Variants in SPON1 observed in about 807,000 individuals in gnomAD.
SPON1 encodes spondin-1.
Under a neutral mutation model 111.7 loss-of-function variants are expected in SPON1, and 52 were observed. That is an observed-to-expected ratio of 0.47 (90% confidence interval 0.37 to 0.59). The LOEUF (loss-of-function observed/expected upper bound fraction) is 0.59. Among genes scored for constraint, SPON1 ranks in the 20% least tolerant of loss-of-function variants. The pLI, the probability that SPON1 is intolerant of heterozygous loss-of-function variation, is 0.00. For missense variants in SPON1, 957 were observed against 1,068.5 expected, an observed-to-expected ratio of 0.90 and a Z score of 1.46; for synonymous variants, 410 against 395.8, an observed-to-expected ratio of 1.04 and a Z score of -0.43.
intron 6 of SPON1, among the ~76,000 whole-genome samples, chr11:14,192,159 T>A (rs1237087021): frequency 6.6e-6 from 1 of 151,976 alleles, no homozygotes; most frequent in Admixed American, 6.5e-5. Flanking sequence ...TGTGTTCAAT[T>A]CTGAAGGAAA....
At chr11:14,009,205 A>T (rs1329723932) in intron 2 of SPON1, among the ~76,000 whole-genome samples, 1 of 152,208 alleles carries the variant, frequency 6.6e-6, no homozygotes, top group Non-Finnish European at 1.5e-5. Flanking sequence ...AGGTATTCAC[A>T]TAATTTATCA....
At chr11:14,030,451 A>G (rs1269896382) in intron 2 of SPON1, among the ~76,000 whole-genome samples, 5 of 152,172 alleles carry the variant, frequency 3.3e-5, no homozygotes, top group African/African-American at 9.6e-5. Context: ...AGGGTCCGCC[A>G]ATGGTGCTCG....
intron 15 of SPON1, 129 bp downstream of exon 15, chr11:14,263,104 T>G: frequency 1.0e-6 from 1 of 965,078 alleles, no homozygotes; most frequent in Non-Finnish European, 1.5e-6. Flanking sequence ...TTCTGGAGTC[T>G]TCAGGCCACA....
chr11:14,199,037 C>T (rs889283164), intron 6 of SPON1, among the ~76,000 whole-genome samples: 1 of 152,144 alleles, frequency 6.6e-6, no homozygotes, highest in East Asian at 1.9e-4. Context: ...AATAGTGTTT[C>T]CTACTATCTA....
At chr11:14,051,055 G>A (rs11821106) in intron 3 of SPON1, among the ~76,000 whole-genome samples, 14,482 of 152,250 alleles carry the variant, frequency 0.095, 771 homozygotes, top group Middle Eastern at 0.14. Context: ...TGGAGTCAGA[G>A]TTGTGCTGAG....
chr11:14,008,189 C>T (rs1554913369), intron 2 of SPON1, among the ~76,000 whole-genome samples: 1 of 152,072 alleles, frequency 6.6e-6, no homozygotes, highest in Non-Finnish European at 1.5e-5. Context: ...AGTATTACAT[C>T]ACATTAGATA....
intron 6 of SPON1, among the ~76,000 whole-genome samples, chr11:14,173,820 G>T (rs782179833): frequency 1.3e-5 from 2 of 152,118 alleles, no homozygotes; most frequent in South Asian, 2.1e-4. Flanking sequence ...TTGGTGAACC[G>T]CAAACGTTTC....
chr11:14,059,099 C>T (rs1157142213), intron 3 of SPON1, among the ~76,000 whole-genome samples: 2 of 152,210 alleles, frequency 1.3e-5, no homozygotes, highest in Non-Finnish European at 1.5e-5. Context: ...CCTCATCCCA[C>T]TCACTGCCTT....
intron 5 of SPON1, among the ~76,000 whole-genome samples, chr11:14,091,729 G>A (rs1447654194): frequency 6.6e-6 from 1 of 152,180 alleles, no homozygotes; most frequent in East Asian, 1.9e-4. Context: ...CTCCCTGCAA[G>A]CTGAGGGAGT....
At chr11:14,022,861 A>G (rs1320751524) in intron 2 of SPON1, among the ~76,000 whole-genome samples, 1 of 152,252 alleles carries the variant, frequency 6.6e-6, no homozygotes, top group African/African-American at 2.4e-5. Context: ...AACCACCTGC[A>G]CGCTGAGAAG....
intron 6 of SPON1, among the ~76,000 whole-genome samples, chr11:14,173,412 T>C (rs1410935977): frequency 6.6e-6 from 1 of 152,100 alleles, no homozygotes. Flanking sequence ...TTTTCAAGGT[T>C]TTTAATTGCT....
intron 6 of SPON1, among the ~76,000 whole-genome samples, chr11:14,139,728 A>ATATATATATATATATAT (rs1564913661): frequency 1.3e-5 from 2 of 151,128 alleles, no homozygotes; most frequent in African/African-American, 4.9e-5. Flanking sequence ...ATATATATTT[A>ATATATATATATATATAT]AGTGAAAAGA....
At chr11:14,049,694 A>G (rs539335500) in intron 3 of SPON1, among the ~76,000 whole-genome samples, 14 of 152,292 alleles carry the variant, frequency 9.2e-5, no homozygotes, top group African/African-American at 3.4e-4. Flanking sequence ...ATGAACATAC[A>G]AATTGGGTCC....
At chr11:14,216,192 A>G (rs1477459967) in intron 6 of SPON1, among the ~76,000 whole-genome samples, 5 of 152,198 alleles carry the variant, frequency 3.3e-5, no homozygotes, top group Non-Finnish European at 7.3e-5. Flanking sequence ...ACCCCATGCT[A>G]CAAAAGAAAT....
At chr11:14,048,645 T>TAA (rs1377223509) in intron 3 of SPON1, among the ~76,000 whole-genome samples, 1 of 152,170 alleles carries the variant, frequency 6.6e-6, no homozygotes, top group African/African-American at 2.4e-5. Flanking sequence ...ACCCAGCACT[T>TAA]AAAGTTTCCC....
intron 2 of SPON1, among the ~76,000 whole-genome samples, chr11:13,985,349 G>T (rs868982700): frequency 6.6e-6 from 1 of 152,206 alleles, no homozygotes; most frequent in African/African-American, 2.4e-5. Flanking sequence ...CAGTGCTTGT[G>T]TGCCAGATAC....
intron 6 of SPON1, among the ~76,000 whole-genome samples, chr11:14,155,359 C>T (rs1474783315): frequency 1.3e-5 from 2 of 152,100 alleles, no homozygotes; most frequent in Non-Finnish European, 2.9e-5. Context: ...GTTCCACAGG[C>T]TATACAGGAA....
intron 6 of SPON1, among the ~76,000 whole-genome samples, chr11:14,216,293 C>T (rs1447822753): frequency 6.6e-6 from 1 of 152,162 alleles, no homozygotes. Flanking sequence ...AGGGTTTTCA[C>T]ATCTGGGGCT....
chr11:14,244,767 C>A (rs1302383242), intron 7 of SPON1, among the ~76,000 whole-genome samples: 1 of 152,132 alleles, frequency 6.6e-6, no homozygotes, highest in Non-Finnish European at 1.5e-5. Flanking sequence ...AAAAAAGAAT[C>A]CAAATCTGTT....
Sources: gnomAD v4.1 joint callset for allele counts (sites outside exome capture counted in the v4.1 genomes callset) on GRCh38, gnomAD v4.1.1 for gene constraint, MANE v1.5 for transcripts, NCBI Gene and HGNC (gene_info 2026-07-23, HGNC 2026-07-21) for gene names.